Variants in EPHX1 observed in about 807,000 individuals in gnomAD.
EPHX1 encodes the protein epoxide hydratase.
In EPHX1, 40 loss-of-function variants were observed where a neutral mutation model predicts 43.2. That is an observed-to-expected ratio of 0.93 (90% confidence interval 0.72 to 1.21). The LOEUF is 1.21. Among genes scored for constraint, EPHX1 ranks in the 50% most tolerant of loss-of-function variants. The pLI is 0.00. For missense variants in EPHX1, 550 were observed against 570.4 expected (o/e 0.96, Z 0.36); for synonymous variants, 221 against 226.7 (o/e 0.98, Z 0.22).
At chr1:225,833,801 A>G (rs1667763898) in intron 3 of EPHX1, among the ~76,000 whole-genome samples, 1 of 148,816 alleles carries the variant, frequency 6.7e-6, no homozygotes, top group African/African-American at 2.5e-5. Flanking sequence ...TCTTTAAAAA[A>G]AAAAAAAAAA....
At position 225,845,137 on chromosome 1, in the gene EPHX1, C is replaced by A; in HGVS notation, c.1167-9C>A. The A allele has an allele frequency of 6.2e-7, 1 of 1,614,066 alleles. No homozygotes were observed. The highest frequency in any genetic ancestry group is 8.5e-7 in the Non-Finnish European group (1 of 1,180,026). ...AGCCTCACCCCTCCGTCGGCTCTTTCACTTCCAGGATGAAGGTCTATGTGC... is the reference window on the plus strand; with the variant it reads ...AGCCTCACCCCTCCGTCGGCTCTTTAACTTCCAGGATGAAGGTCTATGTGC... On this transcript the variant is annotated splice_polypyrimidine_tract_variant and intron_variant, in intron 8 of 8. Transcript: ENST00000272167.
intron 5 of EPHX1, 150 bp from the exon 6 acceptor site, chr1:225,839,679 C>G: frequency 1.1e-6 from 1 of 942,152 alleles, no homozygotes; most frequent in South Asian, 1.3e-5. Context: ...CCTTCTCCAA[C>G]TCCCATGGCC....
At chr1:225,810,408 G>A (rs1204271111) in intron 1 of EPHX1, 1 of 151,568 alleles carries the variant, frequency 6.6e-6, no homozygotes, top group Non-Finnish European at 1.5e-5. Context: ...CGGACTTCTC[G>A]CAGGGAATTC....
intron 3 of EPHX1, among the ~76,000 whole-genome samples, chr1:225,835,493 C>T: frequency 6.6e-6 from 1 of 151,172 alleles, no homozygotes; most frequent in Non-Finnish European, 1.5e-5. Flanking sequence ...AGGTTCACGC[C>T]ATTCTCCTGC....
At chr1:225,833,893 C>G (rs139599349) in intron 3 of EPHX1, among the ~76,000 whole-genome samples, 105 of 150,158 alleles carry the variant, frequency 7.0e-4, no homozygotes, top group Non-Finnish European at 1.2e-3. Flanking sequence ...GTCAGGAGAT[C>G]GAGACCATCC....
At chr1:225,834,848 A>G (rs1193551992) in intron 3 of EPHX1, among the ~76,000 whole-genome samples, 1 of 152,174 alleles carries the variant, frequency 6.6e-6, no homozygotes, top group Non-Finnish European at 1.5e-5. Context: ...TCCATCCAGC[A>G]GAAACTAACA....
intron 1 of EPHX1, among the ~76,000 whole-genome samples, chr1:225,819,815 G>A (rs1055314008): frequency 1.3e-5 from 2 of 152,098 alleles, no homozygotes; most frequent in East Asian, 1.9e-4. Context: ...CTCTTTGTCC[G>A]CACTTAATCA....
intron 1 of EPHX1, among the ~76,000 whole-genome samples, chr1:225,821,429 A>G (rs1415024969): frequency 2.6e-5 from 4 of 151,642 alleles, no homozygotes; most frequent in Non-Finnish European, 5.9e-5. Context: ...TGTTTTTAGT[A>G]GAGACGGGGT....
chr1:225,845,412 G>A lies in EPHX1; in HGVS notation c.*65G>A. The stretch of plus-strand genomic sequence containing the variant: ...TGCCCTCCAGGCTTTTCTTGGGGAA[G>A]ATACCCCTTTTCTGAGGAATGAGTT... On this transcript the variant is annotated 3_prime_UTR_variant, in exon 9 of 9. Transcript: ENST00000272167. The A allele has an allele frequency of 6.7e-7, 1 of 1,500,628 alleles. No individual in the cohort carries two copies. Among genetic ancestry groups the A allele is most frequent in the Non-Finnish European group, 9.0e-7 (1 of 1,116,650 alleles). 93.0% of individuals were successfully genotyped at this position (1,500,628 alleles called of 1,614,324 possible). A position where few individuals can be genotyped will look rare whatever the true frequency, so the allele number is the denominator to read the frequency against.
intron 2 of EPHX1, among the ~76,000 whole-genome samples, chr1:225,829,745 A>G (rs1347107995): frequency 1.3e-5 from 2 of 152,138 alleles, no homozygotes; most frequent in Admixed American, 1.3e-4. Flanking sequence ...AGTGAATGAG[A>G]AAAGGAATGT....
rs370318762 is a variant in EPHX1 at position 225,838,604 on chromosome 1, G to A, written c.365-50G>A. 1.6e-4 allele frequency: 243 copies of A among 1,540,516 alleles called. No individual in the cohort carries two copies. In the African/African-American group the frequency reaches 2.7e-3, roughly 17 times the overall value. ...CTCTGGGGGGTGCCAGAGCCTGACC[G>A]TGCAGGGTCTTCTCTCTCCCTCCAC... On this transcript the variant is annotated intron_variant, in intron 3 of 8. Transcript: ENST00000272167.
At chr1:225,815,454 T>A in intron 1 of EPHX1, among the ~76,000 whole-genome samples, 1 of 145,490 alleles carries the variant, frequency 6.9e-6, no homozygotes, top group East Asian at 2.0e-4. Context: ...GGTTTCACTG[T>A]GTTGCCCAGG....
At chr1:225,827,022 G>A (rs1455334826) in intron 1 of EPHX1, among the ~76,000 whole-genome samples, 8 of 152,190 alleles carry the variant, frequency 5.3e-5, no homozygotes, top group Non-Finnish European at 1.0e-4. Flanking sequence ...CGCCCTGGGT[G>A]GATTTCTGTT....
In EPHX1 at chr1:225,831,699, G is replaced by C. The variant is rs1369512802; in HGVS notation, c.184-80G>C. 3 of 1,449,378 alleles carry C rather than the reference G, an allele frequency of 2.1e-6. No individual in the cohort carries two copies. In the East Asian group the frequency reaches 6.8e-5, roughly 33 times the overall value. 89.8% of individuals were successfully genotyped at this position (1,449,378 alleles called of 1,614,324 possible). Reference sequence around the variant, plus strand: ...GTATCTTGTGGCTGCAGGGTTTGCTGTGTTTTCTGGAAACAGACTTTGCTC... The same window carrying C: ...GTATCTTGTGGCTGCAGGGTTTGCTCTGTTTTCTGGAAACAGACTTTGCTC... On this transcript the variant is annotated intron_variant, in intron 2 of 8. Transcript: ENST00000272167.
intron 2 of EPHX1, among the ~76,000 whole-genome samples, chr1:225,831,546 C>CAA (rs75126131): frequency 1.1e-3 from 114 of 104,700 alleles, no homozygotes; most frequent in African/African-American, 2.8e-3. Flanking sequence ...GACCCTATCT[C>CAA]AAAAAAAAAA....
intron 5 of EPHX1, 109 bp from the exon 6 acceptor site, chr1:225,839,719 TG>T: frequency 1.7e-6 from 2 of 1,198,114 alleles, no homozygotes; most frequent in Non-Finnish European, 2.5e-6. Context: ...TGAAAGAGGC[TG>T]GCTCTGTGCT....
At chr1:225,844,732 C>T in intron 8 of EPHX1, 109 bp downstream of exon 8, 1 of 1,523,938 alleles carries the variant, frequency 6.6e-7, no homozygotes, top group Non-Finnish European at 8.8e-7. Context: ...ATAGCCTTGC[C>T]TGCAGGTGCC....
At position 225,831,958 on chromosome 1, in the gene EPHX1, AG is replaced by A; in HGVS notation, c.364+1del. 1 of 1,614,074 alleles carries A rather than the reference AG, an allele frequency of 6.2e-7. No individual in the cohort carries two copies. Among genetic ancestry groups the A allele is most frequent in the African/African-American group, 1.3e-5 (1 of 75,054 alleles). The part of the protein sequence containing the change: ...RYPHFKTKIE[G>X]LDIHFIHVKP... ...ACCCTCACTTCAAGACTAAGATTGA[AG>A]GTATGTTTGCAAAACGCCAGCCAGA... On this transcript the variant is annotated frameshift_variant and splice_region_variant, in exon 3 of 9. Transcript: ENST00000272167. LOFTEE classifies it high-confidence loss of function.
At chr1:225,834,366 C>T (rs1667841920) in intron 3 of EPHX1, among the ~76,000 whole-genome samples, 1 of 151,954 alleles carries the variant, frequency 6.6e-6, no homozygotes, top group South Asian at 2.1e-4. Context: ...GATCGCGCCA[C>T]TGCACTCCAG....
Sources: allele counts gnomAD v4.1 joint callset (sites outside exome capture counted in the v4.1 genomes callset), GRCh38; gene constraint gnomAD v4.1.1; transcripts MANE v1.5; gene names NCBI Gene and HGNC (gene_info 2026-07-23, HGNC 2026-07-21).